The following RABL6 variants were observed in gnomAD, a reference collection of about 807,000 sequenced individuals.
RABL6 encodes RAB, member RAS oncogene family like 6.
In RABL6, 28 loss-of-function variants were observed where a neutral mutation model predicts 72.9. The observed-to-expected ratio is 0.38, with a 90% CI of 0.28 to 0.53. RABL6 has a LOEUF of 0.53. Ranked by LOEUF, RABL6 falls within the 20% of genes least tolerant of loss-of-function variation. The pLI is 0.80. For missense variants in RABL6, 1,029 were observed against 1,008.4 expected, an observed-to-expected ratio of 1.02 and a Z score of -0.28; for synonymous variants, 477 against 421.2, an observed-to-expected ratio of 1.13 and a Z score of -1.62.
At chr9:136,823,046 C>T (rs1247107704) in intron 1 of RABL6, among the ~76,000 whole-genome samples, 1 of 149,934 alleles carries the variant, frequency 6.7e-6, no homozygotes, top group Admixed American at 6.6e-5. Context: ...CGAGATAGCA[C>T]CACTGCAGTA....
At chr9:136,830,728 G>A (rs1414950630) in intron 5 of RABL6, among the ~76,000 whole-genome samples, 3 of 152,250 alleles carry the variant, frequency 2.0e-5, no homozygotes, top group Non-Finnish European at 2.9e-5. Context: ...GCTGCCGTGC[G>A]AGGAGTGGGC....
intron 1 of RABL6, among the ~76,000 whole-genome samples, chr9:136,816,026 A>G (rs1848112865): frequency 6.6e-6 from 1 of 152,146 alleles, no homozygotes; most frequent in South Asian, 2.1e-4. Context: ...AGCTTATTGC[A>G]GCCAACATTT....
intron 1 of RABL6, among the ~76,000 whole-genome samples, chr9:136,816,791 C>T (rs1848128957): frequency 6.6e-6 from 1 of 150,946 alleles, no homozygotes; most frequent in African/African-American, 2.4e-5. Flanking sequence ...TCTGATGTTA[C>T]AGGATTTCTT....
chr9:136,811,214 A>C (rs1162224314), intron 1 of RABL6, among the ~76,000 whole-genome samples: 1 of 152,210 alleles, frequency 6.6e-6, no homozygotes, highest in Admixed American at 6.5e-5. Context: ...GGTTTTATAC[A>C]TTTTAGACAT....
chr9:136,821,199 G>C (rs1047269819), intron 1 of RABL6: 6 of 458,636 alleles, frequency 1.3e-5, no homozygotes, highest in Middle Eastern at 1.1e-3. Context: ...AATGAAGGAA[G>C]TGGGTTCTGT....
intron 1 of RABL6, chr9:136,813,218 G>T: frequency 1.9e-6 from 1 of 524,666 alleles, no homozygotes; most frequent in Non-Finnish European, 3.6e-6. Flanking sequence ...CCTGCCCCCA[G>T]TTTCCCTTTT....
chr9:136,811,978 G>A (rs1359239597), intron 1 of RABL6, among the ~76,000 whole-genome samples: 1 of 152,158 alleles, frequency 6.6e-6, no homozygotes, highest in Admixed American at 6.5e-5. Flanking sequence ...CCATTCAGAT[G>A]GTTGGCAGGC....
In RABL6 at chr9:136,833,876, C is replaced by T. The variant is rs1848533525; in HGVS notation, c.705+1506C>T. ...TGTGCCGGCACTGCTGGGGAGGCCC[C>T]TCCTTCCTGCAGAGCCGTCCCCTCA... On this transcript the variant is annotated intron_variant, in intron 7 of 14. Transcript: ENST00000311502. 3 of 1,550,560 alleles carry T rather than the reference C, an allele frequency of 1.9e-6. 1 individual carries two copies. Among genetic ancestry groups the T allele is most frequent in the Non-Finnish European group, 8.7e-7 (1 of 1,146,970 alleles).
At chr9:136,822,747 G>C (rs1338836317) in intron 1 of RABL6, among the ~76,000 whole-genome samples, 1 of 152,188 alleles carries the variant, frequency 6.6e-6, no homozygotes, top group African/African-American at 2.4e-5. Context: ...CGGCACACAC[G>C]CGTTGTGCGT....
intron 9 of RABL6, 71 bp from the exon 10 acceptor site, chr9:136,837,791 G>T (rs1588372904): frequency 1.9e-6 from 3 of 1,540,848 alleles, no homozygotes; most frequent in South Asian, 2.4e-5. Context: ...TCCCGGGTGG[G>T]CCTGGCTTGG....
intron 7 of RABL6, chr9:136,834,249 T>C: frequency 8.8e-7 from 1 of 1,139,202 alleles, no homozygotes; most frequent in Non-Finnish European, 1.1e-6. Flanking sequence ...CCGTAGTACC[T>C]AATGTAATAC....
chr9:136,840,582 C>G lies in RABL6; in HGVS notation c.*60C>G. The G allele has an allele frequency of 6.5e-7, 1 of 1,548,776 alleles. No individual in the cohort carries two copies. The highest frequency in any genetic ancestry group is 1.2e-5 in the South Asian group (1 of 83,970). ...GCGTGCCTGTCACTGCCTGGGGAGG[C>G]ATTTGCCTCTGTACCATCGCCTTTG... is the stretch of plus-strand genomic sequence containing the variant. On this transcript the variant is annotated 3_prime_UTR_variant, in exon 15 of 15. Transcript: ENST00000311502.
At chr9:136,811,781 C>T (rs1296685616) in intron 1 of RABL6, among the ~76,000 whole-genome samples, 5 of 152,076 alleles carry the variant, frequency 3.3e-5, no homozygotes, top group Admixed American at 1.3e-4. Context: ...CGTGAGCCAC[C>T]GCGCCTGGCC....
At chr9:136,812,631 AAATGTTGTCTATACG>A (rs1428111678) in intron 1 of RABL6, among the ~76,000 whole-genome samples, 2 of 152,182 alleles carry the variant, frequency 1.3e-5, no homozygotes, top group African/African-American at 4.8e-5. Flanking sequence ...ATTACCCTTG[AAATGTTGTCTATACG>A]AATTTCCAAG....
intron 7 of RABL6, chr9:136,833,649 T>A: frequency 6.5e-7 from 1 of 1,540,438 alleles, no homozygotes; most frequent in South Asian, 1.2e-5. Context: ...CTCCTCGCCC[T>A]GGGCTGCCCC....
At chr9:136,837,739 C>G (rs1381980410) in intron 9 of RABL6, 77 bp downstream of exon 9, 14 of 1,542,842 alleles carry the variant, frequency 9.1e-6, no homozygotes, top group Non-Finnish European at 1.2e-5. Context: ...GATTTCGGAG[C>G]GCTCCACGCT....
Position 136,831,812 on chromosome 9 carries a change from C to T in RABL6, c.550C>T (p.Arg184Ter), listed in dbSNP as rs1434268047. The T allele has an allele frequency of 1.2e-6, 2 of 1,613,164 alleles. No homozygotes were observed. The highest frequency in any genetic ancestry group is 8.5e-7 in the Non-Finnish European group (1 of 1,179,772). Residue 184 changes from arginine (R) to a stop codon, truncating the protein, a stop_gained, in exon 6 of 15, where the codon CGA (arginine) becomes TGA (stop). Coordinates refer to ENST00000311502, the MANE Select transcript of RABL6 (RefSeq NM_024718.5). LOFTEE classifies it high-confidence loss of function. The part of the protein sequence containing the change: ...LGNYRDMGEH[R>*]VILPDDVRDF... ...AAACTACCGGGACATGGGCGAGCAC[C>T]GAGTCATCCTGCCGGACGACGTGCG...
Position 136,839,810 on chromosome 9 carries a change from G to T in RABL6, c.1875G>T (p.Ser625=), listed in dbSNP as rs200255515. The T allele has an allele frequency of 6.2e-7, 1 of 1,612,620 alleles. No homozygotes were observed. Among genetic ancestry groups the T allele is most frequent in the Non-Finnish European group, 8.5e-7 (1 of 1,179,838 alleles). The change falls in exon 13 of 15, where the codon TCG becomes TCT. Residue 625 remains serine (S), a synonymous_variant. Transcript: ENST00000311502. The part of the protein sequence containing the change: ...PLPAFRLKND[S]DLFGLGLEEA... ...CCGCCTTCAGACTGAAGAATGACTC[G>T]GACCTCTTCGGGCTGGGGCTGGAGG...
intron 1 of RABL6, among the ~76,000 whole-genome samples, chr9:136,822,885 G>C (rs1001630328): frequency 6.6e-6 from 1 of 152,136 alleles, no homozygotes; most frequent in Non-Finnish European, 1.5e-5. Flanking sequence ...TCAGGAGATC[G>C]AGACCACCCT....
Sources: allele counts gnomAD v4.1 joint callset (sites outside exome capture counted in the v4.1 genomes callset), GRCh38; gene constraint gnomAD v4.1.1; transcripts MANE v1.5; gene names NCBI Gene and HGNC (gene_info 2026-07-23, HGNC 2026-07-21).